Variants in USP6NL observed in about 807,000 individuals in gnomAD.
USP6NL encodes the protein USP6 N-terminal-like protein.
In USP6NL, 26 loss-of-function variants were observed where a neutral mutation model predicts 61.9. That is an observed-to-expected ratio of 0.42 (90% CI 0.31 to 0.58). The LOEUF is 0.58. USP6NL is among the 20% of genes least tolerant of loss of function. USP6NL has a pLI of 0.16. For synonymous variants in USP6NL, 432 were observed against 390.1 expected (o/e 1.11, Z -1.27); for missense variants, 1,114 against 1,034.3 (o/e 1.08, Z -1.06).
Position 11,574,949 on chromosome 10 carries a change from C to T in USP6NL, c.4+22682G>A, listed in dbSNP as rs1362092497. On this transcript the variant is annotated intron_variant, in intron 2 of 14. Transcript: ENST00000609104. This position sits in a 1 kb window ranked among gnomAD's most constrained non-coding sequence, Gnocchi z 4.3. ...ATTCAAGGTGAAGTTTTCAGCTCTT[C>T]AGACACGACGTGCTACACCATGTAC... is the stretch of plus-strand genomic sequence containing the variant. 6.6e-6 allele frequency among the ~76,000 whole-genome samples: 1 copy of T among 152,200 alleles called. No individual in the cohort carries two copies. The highest frequency in any genetic ancestry group is 2.4e-5 in the African/African-American group (1 of 41,448).
intron 2 of USP6NL, 69 bp from the exon 3 acceptor site, chr10:11,527,636 C>A: frequency 1.5e-6 from 2 of 1,378,260 alleles, no homozygotes; most frequent in African/African-American, 1.5e-5. Flanking sequence ...AATTATGAAA[C>A]TAAGACATAA....
In USP6NL at chr10:11,463,359, G is replaced by A; in HGVS notation, c.1569C>T (p.Ala523=). ...GCCGCACGTTTGACACCCGCACCTCGGCAGGACCTGGGACGGTAACTGCGA... is the reference window on the plus strand; with the variant it reads ...GCCGCACGTTTGACACCCGCACCTCAGCAGGACCTGGGACGGTAACTGCGA... ...PALAVTVPGP[A]EVRVSNVRPK... is the part of the protein sequence containing the mutation. The change falls in exon 15 of 15, where the codon GCC becomes GCT. Residue 523 remains alanine (A), a synonymous_variant. Transcript: ENST00000609104. This position sits in a 1 kb window ranked among gnomAD's most constrained non-coding sequence, Gnocchi z 6.3. 6.2e-7 allele frequency: 1 copy of A among 1,613,950 alleles called. No homozygotes were observed. The highest frequency in any genetic ancestry group is 8.5e-7 in the Non-Finnish European group (1 of 1,179,892).
chr10:11,599,521 A>C (rs1656911564), intron 1 of USP6NL, among the ~76,000 whole-genome samples: 1 of 152,212 alleles, frequency 6.6e-6, no homozygotes, highest in African/African-American at 2.4e-5. Flanking sequence ...CCAGTATAAT[A>C]AAACTTATAA....
intron 2 of USP6NL, among the ~76,000 whole-genome samples, chr10:11,580,131 A>T (rs1837700161): frequency 6.9e-6 from 1 of 144,212 alleles, no homozygotes; most frequent in Non-Finnish European, 1.5e-5. Flanking sequence ...ATGAGTTGAC[A>T]AACCCTGCCC....
chr10:11,533,239 G>C (rs149175936), intron 2 of USP6NL, among the ~76,000 whole-genome samples: 1 of 152,286 alleles, frequency 6.6e-6, no homozygotes, highest in Non-Finnish European at 1.5e-5. Context: ...AGAAGATAAT[G>C]AAACACTATT....
At chr10:11,500,004 C>T (rs1203180884) in intron 7 of USP6NL, among the ~76,000 whole-genome samples, 1 of 152,208 alleles carries the variant, frequency 6.6e-6, no homozygotes, top group South Asian at 2.1e-4. Flanking sequence ...TCTCAGACAT[C>T]ATGTCCTTTG....
intron 10 of USP6NL, among the ~76,000 whole-genome samples, chr10:11,488,192 A>G (rs879283150): frequency 6.6e-6 from 1 of 152,094 alleles, no homozygotes; most frequent in Non-Finnish European, 1.5e-5. Context: ...CGGGAGGTTC[A>G]CTTGAGTCCA....
rs150156525 is a variant in USP6NL at position 11,463,967 on chromosome 10, C to A, written c.1079-118G>T. The A allele has an allele frequency of 3.4e-5, 32 of 945,686 alleles. No individual in the cohort carries two copies. The highest frequency in any genetic ancestry group is 6.0e-5 in the Admixed American group (2 of 33,234). 58.6% of individuals were successfully genotyped at this position (945,686 alleles called of 1,614,324 possible). ...CTGTGCACAGATACACGCTGACATA[C>A]AACACACTGTCATACAACACACTGT... On this transcript the variant is annotated intron_variant, in intron 14 of 14. Coordinates refer to ENST00000609104, the MANE Select transcript of USP6NL (RefSeq NM_014688.5). This position sits in a 1 kb window ranked among gnomAD's most constrained non-coding sequence, Gnocchi z 6.3.
chr10:11,538,342 T>A (rs1349121861), intron 2 of USP6NL, among the ~76,000 whole-genome samples: 3 of 152,180 alleles, frequency 2.0e-5, no homozygotes, highest in Admixed American at 6.5e-5. Flanking sequence ...TGGCCACTGC[T>A]GCTTCTGACC....
In USP6NL at chr10:11,511,563, G is replaced by T. The variant is rs991387385; in HGVS notation, c.196-1888C>A. Among the ~76,000 whole-genome samples the T allele has an allele frequency of 2.0e-5, 3 of 152,034 alleles. No homozygotes were observed. The highest frequency in any genetic ancestry group is 4.4e-5 in the Non-Finnish European group (3 of 68,008). On this transcript the variant is annotated intron_variant, in intron 5 of 14. Coordinates refer to ENST00000609104, the MANE Select transcript of USP6NL (RefSeq NM_014688.5). The surrounding 1 kb of genome is among the most constrained non-coding windows in gnomAD (Gnocchi z 4.9). ...AGTATAACAACATACACTTTGCCAG[G>T]AACAACCCTGCTGAGATCTAGCAGG...
intron 6 of USP6NL, among the ~76,000 whole-genome samples, chr10:11,501,975 T>C (rs1001420886): frequency 2.6e-5 from 4 of 152,172 alleles, no homozygotes; most frequent in African/African-American, 9.7e-5. Context: ...ATTGGTATCA[T>C]CAGCTGGGCG....
rs995889656 is a variant in USP6NL at position 11,520,156 on chromosome 10, T to G, written c.156-1582A>C. Among the ~76,000 whole-genome samples, 6 of 152,162 alleles carry G rather than the reference T, an allele frequency of 3.9e-5. No homozygotes were observed. Among genetic ancestry groups the G allele is most frequent in the African/African-American group, 1.4e-4 (6 of 41,448 alleles). ...CACTAATTCAGTGGGTTCAACTTCATACAGACAAGATCTCAGATCATGCAG... is the reference window on the plus strand; with the variant it reads ...CACTAATTCAGTGGGTTCAACTTCAGACAGACAAGATCTCAGATCATGCAG... On this transcript the variant is annotated intron_variant, in intron 4 of 14. Transcript: ENST00000609104. This position sits in a 1 kb window ranked among gnomAD's most constrained non-coding sequence, Gnocchi z 5.2.
intron 14 of USP6NL, among the ~76,000 whole-genome samples, chr10:11,475,596 C>CAAAAAAAAAAAAA (rs35589300): frequency 1.0e-4 from 4 of 38,718 alleles, no homozygotes; most frequent in South Asian, 1.2e-3. Flanking sequence ...AACTCTGTCG[C>CAAAAAAAAAAAAA]AAAAAAAAAA....
chr10:11,603,685 C>T (rs1180665368), intron 1 of USP6NL, among the ~76,000 whole-genome samples: 2 of 152,128 alleles, frequency 1.3e-5, no homozygotes, highest in African/African-American at 4.8e-5. Flanking sequence ...AATTCAGCTC[C>T]ACAACACGCA....
chr10:11,496,324 G>A lies in USP6NL; in HGVS notation c.385-3096C>T, dbSNP rs141138124. 6.6e-6 allele frequency among the ~76,000 whole-genome samples: 1 copy of A among 152,344 alleles called. No individual in the cohort carries two copies. Among genetic ancestry groups the A allele is most frequent in the African/African-American group, 2.4e-5 (1 of 41,572 alleles). ...GGTTCCTGCAGTTGGCAATTACCAA[G>A]CCTTACGGAGATTCTGAGCTACTAA... On this transcript the variant is annotated intron_variant, in intron 7 of 14. Coordinates refer to ENST00000609104, the MANE Select transcript of USP6NL (RefSeq NM_014688.5). This position sits in a 1 kb window ranked among gnomAD's most constrained non-coding sequence, Gnocchi z 5.4.
In USP6NL at chr10:11,532,064, T is replaced by G; in HGVS notation, c.5-4497A>C. 1 of 752,436 alleles carries G rather than the reference T, an allele frequency of 1.3e-6. No individual in the cohort carries two copies. Among genetic ancestry groups the G allele is most frequent in the Non-Finnish European group, 2.1e-6 (1 of 472,864 alleles). The allele number at this position is 752,436 out of a possible 1,614,324, so 46.6% of individuals were successfully genotyped here. A position where few individuals can be genotyped will look rare whatever the true frequency, so the allele number is the denominator to read the frequency against. On this transcript the variant is annotated intron_variant, in intron 2 of 14. Transcript: ENST00000609104. This position sits in a 1 kb window ranked among gnomAD's most constrained non-coding sequence, Gnocchi z 4.1. ...CTGCAATGAAAAATTCATACAAAGTTACTAAGGTTCATTTCCAATAAAATA... is the reference window on the plus strand; with the variant it reads ...CTGCAATGAAAAATTCATACAAAGTGACTAAGGTTCATTTCCAATAAAATA...
intron 4 of USP6NL, among the ~76,000 whole-genome samples, chr10:11,522,858 C>T (rs1372987746): frequency 2.0e-5 from 3 of 152,230 alleles, no homozygotes; most frequent in African/African-American, 4.8e-5. Flanking sequence ...AGGCAGCATA[C>T]TGTAGCAGTT....
At position 11,489,134 on chromosome 10, in the gene USP6NL, T is replaced by C. The variant is rs372721793; in HGVS notation, c.632A>G (p.Lys211Arg). 1.5e-5 allele frequency: 25 copies of C among 1,613,972 alleles called. 1 individual carries two copies. The highest frequency in any genetic ancestry group is 1.2e-4 in the Admixed American group (7 of 60,032). ...GGCATGTTTAGGGCCTGAGAAGAGTTTGACCAGGGCCCAGAAGGCATCTTC... is the reference window on the plus strand; with the variant it reads ...GGCATGTTTAGGGCCTGAGAAGAGTCTGACCAGGGCCCAGAAGGCATCTTC... ...NEEDAFWALV[K>R]LFSGPKHAMH... Residue 211 changes from lysine (K) to arginine (R), a missense_variant, in exon 10 of 15, where the codon AAA becomes AGA. Transcript: ENST00000609104. The surrounding 1 kb of genome is among the most constrained non-coding windows in gnomAD (Gnocchi z 5.7).
intron 2 of USP6NL, among the ~76,000 whole-genome samples, chr10:11,550,474 G>C (rs889459461): frequency 6.6e-6 from 1 of 152,230 alleles, no homozygotes; most frequent in East Asian, 1.9e-4. Context: ...AAGCAAAAGA[G>C]GCCGAGCACT....
Sources: allele counts gnomAD v4.1 joint callset (sites outside exome capture counted in the v4.1 genomes callset), GRCh38; gene constraint gnomAD v4.1.1; non-coding constraint Gnocchi (gnomAD v3.1); transcripts MANE v1.5; gene names NCBI Gene and HGNC (gene_info 2026-07-23, HGNC 2026-07-21).